The following EPC1 variants were observed in gnomAD, a reference collection of about 807,000 sequenced individuals.
EPC1 encodes enhancer of polycomb 1.
EPC1 carries 12 observed loss-of-function variants against 98.4 expected under a neutral mutation model. The ratio of observed to expected loss-of-function variants is 0.12; its 90% confidence interval spans 0.08 to 0.20. The LOEUF (loss-of-function observed/expected upper bound fraction) is 0.20. Ranked by LOEUF, EPC1 falls within the 10% of genes least tolerant of loss-of-function variation. The pLI is 1.00. For missense variants in EPC1, 729 were observed against 990.5 expected (o/e 0.74, Z 3.54); for synonymous variants, 357 against 363.9 (o/e 0.98, Z 0.21).
chr10:32,327,062 G>GACACACACACACAC (rs57395657), intron 1 of EPC1, among the ~76,000 whole-genome samples: 59 of 142,360 alleles, frequency 4.1e-4, no homozygotes, highest in Middle Eastern at 7.1e-3. Context: ...AAAATGTGGT[G>GACACACACACACAC]ACACACACAC....
At chr10:32,274,815 C>A (rs561696889) in intron 10 of EPC1, among the ~76,000 whole-genome samples, 3 of 152,054 alleles carry the variant, frequency 2.0e-5, no homozygotes, top group Middle Eastern at 6.8e-3. Context: ...ATGTGTTATA[C>A]CAAAACTTGA....
At chr10:32,355,767 C>T (rs191425313) in intron 1 of EPC1, among the ~76,000 whole-genome samples, 8 of 152,100 alleles carry the variant, frequency 5.3e-5, no homozygotes, top group East Asian at 1.9e-4. Context: ...TGCGCCACCA[C>T]ACCCAGCTAA....
At chr10:32,378,620 G>A in exon 1 of EPC1, 1 of 656,616 alleles carries the variant, frequency 1.5e-6, no homozygotes, top group Non-Finnish European at 2.5e-6. Context: ...AAAATGTTTG[G>A]TAAATAAAAA....
At chr10:32,290,154 C>T (rs1836914180) in intron 6 of EPC1, among the ~76,000 whole-genome samples, 1 of 151,840 alleles carries the variant, frequency 6.6e-6, no homozygotes, top group Admixed American at 6.6e-5. Context: ...TCAAAATTCC[C>T]TCTTATACAC....
chr10:32,322,777 A>G (rs980519697), intron 1 of EPC1, among the ~76,000 whole-genome samples: 11 of 152,192 alleles, frequency 7.2e-5, no homozygotes, highest in African/African-American at 2.7e-4. Flanking sequence ...AACCAAAACA[A>G]AAAACTGAAC....
intron 1 of EPC1, among the ~76,000 whole-genome samples, chr10:32,360,433 C>T (rs1839410273): frequency 6.6e-6 from 1 of 152,134 alleles, no homozygotes; most frequent in Non-Finnish European, 1.5e-5. Context: ...AGGGTGAGTG[C>T]TGTGTGTGAA....
chr10:32,296,736 A>G (rs533620299), intron 2 of EPC1, among the ~76,000 whole-genome samples: 10 of 152,102 alleles, frequency 6.6e-5, no homozygotes, highest in African/African-American at 1.2e-4. Flanking sequence ...GTGAAACCCT[A>G]TCTCTACTAA....
At chr10:32,323,646 C>T (rs1045703766) in intron 1 of EPC1, among the ~76,000 whole-genome samples, 3 of 152,180 alleles carry the variant, frequency 2.0e-5, no homozygotes, top group Non-Finnish European at 4.4e-5. Context: ...CTTGACTTTT[C>T]TAAACCAAAT....
chr10:32,273,639 C>T (rs564112641), intron 10 of EPC1, among the ~76,000 whole-genome samples: 2 of 152,170 alleles, frequency 1.3e-5, no homozygotes, highest in South Asian at 2.1e-4. Context: ...TGGAATTCAG[C>T]TTTGCACTGA....
chr10:32,272,211 A>G (rs748095716), intron 11 of EPC1, 44 bp from the exon 12 acceptor site: 2 of 1,505,222 alleles, frequency 1.3e-6, no homozygotes, highest in Non-Finnish European at 1.8e-6. Flanking sequence ...ATCACTTAGT[A>G]TCAAATCAAT....
intron 1 of EPC1, among the ~76,000 whole-genome samples, chr10:32,373,689 T>G (rs1463985030): frequency 1.3e-5 from 2 of 152,196 alleles, no homozygotes; most frequent in African/African-American, 4.8e-5. Flanking sequence ...TTTGGATATT[T>G]TAATATTAGG....
intron 1 of EPC1, among the ~76,000 whole-genome samples, chr10:32,312,878 AAAAT>A (rs1428812461): frequency 6.6e-6 from 1 of 152,240 alleles, no homozygotes; most frequent in African/African-American, 2.4e-5. Flanking sequence ...GACAAGAAAC[AAAAT>A]AAATTAGGAA....
At chr10:32,364,070 A>G (rs1839526942) in intron 1 of EPC1, among the ~76,000 whole-genome samples, 1 of 122,882 alleles carries the variant, frequency 8.1e-6, no homozygotes, top group Non-Finnish European at 1.6e-5. Context: ...GCTGGAGTGC[A>G]ATGGCGTGAT....
At chr10:32,278,391 T>G (rs1469321644) in intron 10 of EPC1, among the ~76,000 whole-genome samples, 1 of 121,916 alleles carries the variant, frequency 8.2e-6, no homozygotes, top group Non-Finnish European at 1.7e-5. Context: ...TTTTGTTTTT[T>G]TTTTTTTTGA....
intron 1 of EPC1, among the ~76,000 whole-genome samples, chr10:32,320,617 G>C (rs909144205): frequency 6.6e-6 from 1 of 151,616 alleles, no homozygotes; most frequent in African/African-American, 2.4e-5. Context: ...TTTTTTTTGA[G>C]ACAGTCTTGC....
chr10:32,335,124 G>A (rs755792947), intron 1 of EPC1, among the ~76,000 whole-genome samples: 11 of 152,262 alleles, frequency 7.2e-5, no homozygotes, highest in Non-Finnish European at 1.2e-4. Flanking sequence ...ACTTCTAGCT[G>A]CAAGAATGGT....
intron 10 of EPC1, chr10:32,284,482 C>T (rs181107486): frequency 1.2e-5 from 5 of 415,538 alleles, no homozygotes; most frequent in Admixed American, 4.0e-5. Context: ...AGAAATAAAC[C>T]ATCTTTGTAT....
intron 1 of EPC1, among the ~76,000 whole-genome samples, chr10:32,366,304 C>T (rs985632590): frequency 7.2e-5 from 11 of 152,162 alleles, no homozygotes; most frequent in African/African-American, 2.7e-4. Flanking sequence ...GAAAATGTTG[C>T]TCTTGCCGTT....
rs1288332515 is a variant in EPC1, at chr10:32,322,740, CA to C, written c.154-16810del. The stretch of plus-strand genomic sequence containing the variant: ...GGCTAGTATGAGAAATGATAGTTCT[CA>C]TCAATATGTGGGAGCTAAAAAAACA... On this transcript the variant is annotated intron_variant, in intron 1 of 13. Coordinates refer to ENST00000319778, the MANE Select transcript of EPC1 (RefSeq NM_001272004.3). Among the ~76,000 whole-genome samples, 2 of 151,948 alleles carry C rather than the reference CA, an allele frequency of 1.3e-5. 1 individual carries two copies. Among genetic ancestry groups the C allele is most frequent in the Admixed American group, 1.3e-4 (2 of 15,248 alleles).
Sources: gnomAD v4.1 joint callset for allele counts (sites outside exome capture counted in the v4.1 genomes callset) on GRCh38, gnomAD v4.1.1 for gene constraint, MANE v1.5 for transcripts, NCBI Gene and HGNC (gene_info 2026-07-23, HGNC 2026-07-21) for gene names.